Variants in KIAA1217 observed in about 807,000 individuals in gnomAD.
KIAA1217 encodes sickle tail protein homolog.
Under a neutral mutation model 163.9 loss-of-function variants are expected in KIAA1217, and 88 were observed. The ratio of observed to expected loss-of-function variants is 0.54; its 90% CI spans 0.45 to 0.64. KIAA1217 has a LOEUF of 0.64. KIAA1217 is among the 30% of genes least tolerant of loss of function. The probability of loss-of-function intolerance (pLI) is 0.00; values close to 1 mark genes in which losing one functional copy is unlikely to be tolerated. For synonymous variants in KIAA1217, 903 were observed against 923.1 expected (o/e 0.98, Z 0.39); for missense variants, 2,372 against 2,475.0 (o/e 0.96, Z 0.88).
At chr10:23,823,368 A>G (rs1437177527) in intron 1 of KIAA1217, among the ~76,000 whole-genome samples, 1 of 152,226 alleles carries the variant, frequency 6.6e-6, no homozygotes, top group African/African-American at 2.4e-5. Context: ...GATTTCCTCC[A>G]TCTCAGAGCC....
At chr10:24,246,063 T>C (rs1282223616) in intron 2 of KIAA1217, among the ~76,000 whole-genome samples, 1 of 152,212 alleles carries the variant, frequency 6.6e-6, no homozygotes, top group Non-Finnish European at 1.5e-5. Flanking sequence ...AAAGAAGGGT[T>C]GCACGGGCTC....
intron 1 of KIAA1217, among the ~76,000 whole-genome samples, chr10:23,885,257 C>T (rs1048573534): frequency 6.6e-6 from 1 of 151,736 alleles, no homozygotes; most frequent in African/African-American, 2.4e-5. Context: ...TATATAGTTA[C>T]TGTGTGTGTG....
At chr10:24,358,393 C>CAGGG (rs1248338184) in intron 2 of KIAA1217, among the ~76,000 whole-genome samples, 5 of 152,048 alleles carry the variant, frequency 3.3e-5, no homozygotes, top group African/African-American at 1.2e-4. Flanking sequence ...GAACACCGGG[C>CAGGG]AGGGATACTT....
chr10:24,045,830 A>G (rs187907010), intron 2 of KIAA1217, among the ~76,000 whole-genome samples: 14 of 152,258 alleles, frequency 9.2e-5, no homozygotes, highest in Admixed American at 8.5e-4. Flanking sequence ...TTCTGAACCA[A>G]TGGTCTCAAT....
At chr10:23,848,507 G>A (rs1031628238) in intron 1 of KIAA1217, among the ~76,000 whole-genome samples, 1 of 151,834 alleles carries the variant, frequency 6.6e-6, no homozygotes, top group Admixed American at 6.6e-5. Flanking sequence ...ACCTTTAAAG[G>A]AATCTCAAAA....
intron 2 of KIAA1217, among the ~76,000 whole-genome samples, chr10:24,198,115 G>A (rs1177406712): frequency 3.3e-5 from 5 of 152,198 alleles, no homozygotes; most frequent in African/African-American, 1.2e-4. Flanking sequence ...TGATGTGACC[G>A]AATGCCATTA....
intron 12 of KIAA1217, 22 bp downstream of exon 12, chr10:24,521,951 T>C: frequency 1.3e-6 from 2 of 1,597,556 alleles, no homozygotes; most frequent in Non-Finnish European, 1.7e-6. Context: ...CTCATCGTGC[T>C]GGGGGTGGCC....
rs2062473677 is a variant in KIAA1217, at chr10:24,462,158, T to A, written c.847-11070T>A. Among the ~76,000 whole-genome samples, 9 of 151,116 alleles carry A rather than the reference T, an allele frequency of 6.0e-5. No homozygotes were observed. In the South Asian group the frequency reaches 1.9e-3, roughly 31 times the overall value. On this transcript the variant is annotated intron_variant, in intron 5 of 20. Transcript: ENST00000376454. Reference sequence around the variant, plus strand: ...TCGATAGGTATATATAAGTATAATATATATAAGCATATATACTGATATATC... The same window carrying A: ...TCGATAGGTATATATAAGTATAATAAATATAAGCATATATACTGATATATC...
chr10:24,521,944 A>G lies in KIAA1217; in HGVS notation c.2456+15A>G, dbSNP rs760974416. The G allele has an allele frequency of 1.7e-5, 27 of 1,600,228 alleles. No individual in the cohort carries two copies. In the African/African-American group the frequency reaches 2.8e-4, roughly 17 times the overall value. The stretch of plus-strand genomic sequence containing the variant: ...ATGCTGCGGAGGTGACCGGGCCCTC[A>G]TCGTGCTGGGGGTGGCCTGCGGAGG... On this transcript the variant is annotated intron_variant, in intron 12 of 20. Coordinates refer to ENST00000376454, the MANE Select transcript of KIAA1217 (RefSeq NM_019590.5).
intron 4 of KIAA1217, among the ~76,000 whole-genome samples, chr10:24,434,301 A>C (rs148992619): frequency 0.08 from 12,157 of 151,922 alleles, 633 homozygotes; most frequent in East Asian, 0.16. Context: ...GGCCTCCCAA[A>C]GTGCTAGGAT....
At chr10:24,499,418 G>A (rs2067227078) in intron 8 of KIAA1217, among the ~76,000 whole-genome samples, 1 of 152,222 alleles carries the variant, frequency 6.6e-6, no homozygotes, top group Non-Finnish European at 1.5e-5. Context: ...GACTGGTGAT[G>A]TGAGTGACCA....
intron 3 of KIAA1217, among the ~76,000 whole-genome samples, chr10:24,425,437 T>C (rs957161191): frequency 1.3e-5 from 2 of 152,192 alleles, no homozygotes; most frequent in African/African-American, 4.8e-5. Flanking sequence ...TTGTGTAAGC[T>C]TCAGGGCTCA....
intron 2 of KIAA1217, among the ~76,000 whole-genome samples, chr10:24,318,109 C>A (rs189898896): frequency 1.3e-5 from 2 of 152,118 alleles, no homozygotes. Context: ...GAGTTTGAGA[C>A]CACCCTGGGC....
intron 3 of KIAA1217, among the ~76,000 whole-genome samples, chr10:24,414,763 C>T (rs1413007088): frequency 1.3e-5 from 2 of 152,148 alleles, no homozygotes; most frequent in Non-Finnish European, 2.9e-5. Context: ...TGCATGGTTT[C>T]GCCACCCTCA....
intron 1 of KIAA1217, among the ~76,000 whole-genome samples, chr10:23,842,935 T>G (rs998951760): frequency 6.6e-6 from 1 of 152,148 alleles, no homozygotes; most frequent in African/African-American, 2.4e-5. Flanking sequence ...TCAAGAAATG[T>G]TTATTTCTGA....
At chr10:24,199,112 C>T (rs2130512077) in intron 2 of KIAA1217, among the ~76,000 whole-genome samples, 1 of 152,194 alleles carries the variant, frequency 6.6e-6, no homozygotes, top group East Asian at 1.9e-4. Context: ...GTCCCAGATA[C>T]TCAGGAGGCT....
upstream of KIAA1217, among the ~76,000 whole-genome samples, chr10:24,207,938 T>C (rs1266310894): frequency 6.6e-6 from 1 of 152,094 alleles, no homozygotes; most frequent in Non-Finnish European, 1.5e-5. Context: ...ATCTCAAACC[T>C]TGCTGGAATG....
intron 1 of KIAA1217, among the ~76,000 whole-genome samples, chr10:23,979,702 C>T (rs1301010126): frequency 1.3e-5 from 2 of 152,150 alleles, no homozygotes; most frequent in African/African-American, 4.8e-5. Flanking sequence ...ACAGGCTTGT[C>T]TGCCTTCTGC....
In KIAA1217 at chr10:24,413,297, T is replaced by A. The variant is rs141493386; in HGVS notation, c.554-19698T>A. The stretch of plus-strand genomic sequence containing the variant: ...ACCTCCTGGGTTTAAGTGATTCTCC[T>A]GTCTCAGCCTCCCGAGTAGCTGGGA... On this transcript the variant is annotated intron_variant, in intron 3 of 20. Coordinates refer to ENST00000376454, the MANE Select transcript of KIAA1217 (RefSeq NM_019590.5). Among the ~76,000 whole-genome samples the A allele has an allele frequency of 2.1e-3, 326 of 152,302 alleles. 2 individuals carry two copies. The highest frequency in any genetic ancestry group is 3.7e-3 in the Non-Finnish European group (250 of 68,020).
Sources: allele counts gnomAD v4.1 joint callset (sites outside exome capture counted in the v4.1 genomes callset), GRCh38; gene constraint gnomAD v4.1.1; transcripts MANE v1.5; gene names NCBI Gene and HGNC (gene_info 2026-07-23, HGNC 2026-07-21).